EPB41L4A: variants seen among roughly 807,000 people sequenced by gnomAD.
EPB41L4A encodes band 4.1-like protein 4A.
Under a neutral mutation model 108.6 loss-of-function variants are expected in EPB41L4A, and 100 were observed. The ratio of observed to expected loss-of-function variants is 0.92; its 90% CI spans 0.78 to 1.09. The LOEUF is 1.09. Among genes scored for constraint, EPB41L4A ranks in the 50% least tolerant of loss-of-function variants. The probability of loss-of-function intolerance (pLI) is 0.00; values close to 1 mark genes in which losing one functional copy is unlikely to be tolerated. For synonymous variants in EPB41L4A, 319 were observed against 289.0 expected (o/e 1.10, Z -1.05); for missense variants, 1,030 against 842.7 (o/e 1.22, Z -2.75).
chr5:112,364,738 T>C lies in EPB41L4A; in HGVS notation c.99+54203A>G, dbSNP rs149515976. On this transcript the variant is annotated intron_variant, in intron 1 of 22. Transcript: ENST00000261486. ...ACTCTTTTCAGCCTTTAAGTGCTTT[T>C]GTGTACTAAGTACTGCAAATAAGTT... Among the ~76,000 whole-genome samples the C allele has an allele frequency of 3.7e-4, 57 of 152,376 alleles. No individual in the cohort carries two copies. In the East Asian group the frequency reaches 0.01, roughly 28 times the overall value.
At chr5:112,248,167 T>C (rs751134654) in intron 9 of EPB41L4A, among the ~76,000 whole-genome samples, 10 of 152,248 alleles carry the variant, frequency 6.6e-5, no homozygotes, top group African/African-American at 9.6e-5. Flanking sequence ...CTTAACATAA[T>C]TGAAACAGGA....
At chr5:112,262,743 A>C (rs182917510) in intron 6 of EPB41L4A, among the ~76,000 whole-genome samples, 162 bp from the exon 7 acceptor site, 2 of 152,352 alleles carry the variant, frequency 1.3e-5, no homozygotes, top group Admixed American at 1.3e-4. Flanking sequence ...TCTTGGTGAC[A>C]AAATTTTATA....
intron 21 of EPB41L4A, 86 bp from the exon 22 acceptor site, chr5:112,168,906 A>C: frequency 6.7e-7 from 1 of 1,489,386 alleles, no homozygotes; most frequent in Non-Finnish European, 9.4e-7. Context: ...GTGTAGATAT[A>C]AAACATTTCC....
downstream of EPB41L4A, among the ~76,000 whole-genome samples, chr5:112,159,426 G>C (rs1002761747): frequency 6.6e-6 from 1 of 152,150 alleles, no homozygotes; most frequent in Non-Finnish European, 1.5e-5. Context: ...TCCCTTCAAG[G>C]AGTTATGGTT....
At chr5:112,331,620 G>C (rs1291994137) in intron 1 of EPB41L4A, among the ~76,000 whole-genome samples, 1 of 152,168 alleles carries the variant, frequency 6.6e-6, no homozygotes, top group African/African-American at 2.4e-5. Context: ...GCCCAAGCGG[G>C]GCCTTCTGGG....
At chr5:112,304,839 T>C (rs952560253) in intron 2 of EPB41L4A, among the ~76,000 whole-genome samples, 1 of 152,182 alleles carries the variant, frequency 6.6e-6, no homozygotes, top group Non-Finnish European at 1.5e-5. Context: ...CAATTTACGA[T>C]AAGCATATCA....
At chr5:112,279,621 C>A (rs974878965) in intron 3 of EPB41L4A, among the ~76,000 whole-genome samples, 6 of 152,030 alleles carry the variant, frequency 3.9e-5, no homozygotes, top group Admixed American at 2.0e-4. Context: ...TTGAAACAGA[C>A]AATTTTTTTA....
intron 1 of EPB41L4A, among the ~76,000 whole-genome samples, chr5:112,327,029 C>G (rs1282258817): frequency 6.6e-6 from 1 of 152,082 alleles, no homozygotes. Flanking sequence ...TCTTACAAAC[C>G]TTACAATTGT....
chr5:112,272,075 T>C (rs150471398), intron 4 of EPB41L4A, among the ~76,000 whole-genome samples: 1 of 152,176 alleles, frequency 6.6e-6, no homozygotes, highest in East Asian at 1.9e-4. Context: ...CCTTCTGAAA[T>C]ACTGCATATA....
intron 1 of EPB41L4A, among the ~76,000 whole-genome samples, chr5:112,406,976 T>C (rs1346192955): frequency 6.6e-6 from 1 of 152,156 alleles, no homozygotes; most frequent in Non-Finnish European, 1.5e-5. Flanking sequence ...TTGCCCTGGC[T>C]GTCTGCTGCA....
intron 15 of EPB41L4A, among the ~76,000 whole-genome samples, chr5:112,200,593 C>G (rs1317419819): frequency 1.3e-5 from 2 of 152,180 alleles, no homozygotes; most frequent in African/African-American, 4.8e-5. Flanking sequence ...TGGCATACAA[C>G]AGGCACCCAA....
At chr5:112,151,687 C>A (rs1194568031) in intron 12 of EPB41L4A, among the ~76,000 whole-genome samples, 1 of 151,826 alleles carries the variant, frequency 6.6e-6, no homozygotes, top group Non-Finnish European at 1.5e-5. Context: ...TGATTACAGG[C>A]ATGAGCCACT....
At chr5:112,278,853 G>A (rs147494918) in intron 3 of EPB41L4A, among the ~76,000 whole-genome samples, 5 of 148,630 alleles carry the variant, frequency 3.4e-5, no homozygotes, top group African/African-American at 1.2e-4. Context: ...TCAGGAATTC[G>A]AGACCAGCCT....
At chr5:112,182,325 A>C (rs963157527) in intron 18 of EPB41L4A, among the ~76,000 whole-genome samples, 1 of 152,162 alleles carries the variant, frequency 6.6e-6, no homozygotes, top group African/African-American at 2.4e-5. Flanking sequence ...AAAATTATTA[A>C]ATTCCCAGGC....
intron 3 of EPB41L4A, among the ~76,000 whole-genome samples, chr5:112,279,058 C>A (rs1050191608): frequency 7.9e-6 from 1 of 126,010 alleles, no homozygotes; most frequent in South Asian, 2.6e-4. Flanking sequence ...GAGCAAGATA[C>A]CGTCTCAAAA....
chr5:112,392,463 T>C (rs1761018274), intron 1 of EPB41L4A, among the ~76,000 whole-genome samples: 1 of 149,928 alleles, frequency 6.7e-6, no homozygotes, highest in Non-Finnish European at 1.5e-5. Context: ...AAACAGACTT[T>C]AAACCAACAA....
At chr5:112,406,089 A>T (rs1487723869) in intron 1 of EPB41L4A, among the ~76,000 whole-genome samples, 1 of 152,236 alleles carries the variant, frequency 6.6e-6, no homozygotes, top group African/African-American at 2.4e-5. Flanking sequence ...ATGTAAAAAC[A>T]GTGTCTGAAA....
At chr5:112,190,782 G>A (rs1353248082) in intron 17 of EPB41L4A, among the ~76,000 whole-genome samples, 1 of 152,168 alleles carries the variant, frequency 6.6e-6, no homozygotes, top group Non-Finnish European at 1.5e-5. Context: ...CCAAGGTCAA[G>A]TATCAGCACA....
chr5:112,281,450 A>G (rs1752960472), intron 2 of EPB41L4A, among the ~76,000 whole-genome samples: 1 of 152,228 alleles, frequency 6.6e-6, no homozygotes, highest in African/African-American at 2.4e-5. Flanking sequence ...GAGTTCCCAC[A>G]AAAGCAGAGT....
Sources: gnomAD v4.1 joint callset for allele counts (sites outside exome capture counted in the v4.1 genomes callset) on GRCh38, gnomAD v4.1.1 for gene constraint, MANE v1.5 for transcripts, NCBI Gene and HGNC (gene_info 2026-07-23, HGNC 2026-07-21) for gene names.